AK7: variants seen among roughly 807,000 people sequenced by gnomAD.
The protein encoded by AK7 is adenylate kinase 7.
In AK7, 78 loss-of-function variants were observed where a neutral mutation model predicts 96.6. The observed-to-expected ratio is 0.81, with a 90% confidence interval of 0.67 to 0.97. The LOEUF (loss-of-function observed/expected upper bound fraction) is 0.97. Among genes scored for constraint, AK7 ranks in the 50% least tolerant of loss-of-function variants. The pLI is 0.00. For synonymous variants in AK7, 302 were observed against 317.2 expected (o/e 0.95, Z 0.51); for missense variants, 855 against 887.9 (o/e 0.96, Z 0.47).
At chr14:96,407,923 G>A (rs1024441873) in intron 3 of AK7, among the ~76,000 whole-genome samples, 12 of 152,116 alleles carry the variant, frequency 7.9e-5, no homozygotes, top group African/African-American at 2.9e-4. Flanking sequence ...TATGTTAATG[G>A]AATCCCTTAG....
chr14:96,456,257 A>AGC, intron 10 of AK7, 90 bp from the exon 11 acceptor site: 89 of 1,138,784 alleles, frequency 7.8e-5, no homozygotes, highest in Non-Finnish European at 9.2e-5. Flanking sequence ...AAAAAAAAAA[A>AGC]AAAAGCACTC....
intron 15 of AK7, 139 bp downstream of exon 15, chr14:96,478,801 C>A: frequency 1.3e-6 from 1 of 770,178 alleles, no homozygotes; most frequent in Non-Finnish European, 2.1e-6. Context: ...ATGAAATACA[C>A]AGGGCACTCC....
intron 10 of AK7, among the ~76,000 whole-genome samples, chr14:96,452,351 C>T (rs1159301410): frequency 6.6e-6 from 1 of 151,804 alleles, no homozygotes; most frequent in East Asian, 1.9e-4. Flanking sequence ...CAGACAGAGT[C>T]TCACTCTGTT....
intron 5 of AK7, among the ~76,000 whole-genome samples, chr14:96,426,514 T>C (rs964477618): frequency 3.3e-5 from 5 of 152,244 alleles, no homozygotes; most frequent in African/African-American, 1.2e-4. Flanking sequence ...GTGAGTTTTG[T>C]ACCTTCAGGT....
chr14:96,403,003 T>C (rs182774084), intron 2 of AK7, among the ~76,000 whole-genome samples: 1 of 152,062 alleles, frequency 6.6e-6, no homozygotes, highest in East Asian at 1.9e-4. Flanking sequence ...TAATCCCAGC[T>C]ACTCGGGAGG....
intron 8 of AK7, among the ~76,000 whole-genome samples, chr14:96,448,552 C>T (rs1893378154): frequency 6.7e-6 from 1 of 148,524 alleles, no homozygotes; most frequent in South Asian, 2.1e-4. Flanking sequence ...ATTGCTTGAA[C>T]CCAGGAATTC....
chr14:96,398,513 A>C, intron 2 of AK7: 1 of 517,452 alleles, frequency 1.9e-6, no homozygotes, highest in Non-Finnish European at 3.5e-6. Flanking sequence ...TTTCAGACTC[A>C]TACAGTTCTC....
At chr14:96,442,863 GTGTT>G in intron 7 of AK7, 45 bp downstream of exon 7, 2 of 1,536,584 alleles carry the variant, frequency 1.3e-6, no homozygotes, top group Middle Eastern at 1.7e-4. Context: ...ATTGGTTAAT[GTGTT>G]TGTTTGTAGC....
At position 96,488,416 on chromosome 14, in the gene AK7, G is replaced by A. The variant is rs1417591669; in HGVS notation, c.*73G>A. 7 of 1,368,528 alleles carry A rather than the reference G, an allele frequency of 5.1e-6. No homozygotes were observed. 84.8% of individuals were successfully genotyped at this position (1,368,528 alleles called of 1,614,324 possible). A position where few individuals can be genotyped will look rare whatever the true frequency, so the allele number is the denominator to read the frequency against. On this transcript the variant is annotated 3_prime_UTR_variant, in exon 18 of 18. Transcript: ENST00000267584. ...TTATTATACTTTGAAAAATTGCTTT[G>A]AAAAATGCTTTTCCAGTTCTTAGAA... is the stretch of plus-strand genomic sequence containing the variant.
intron 6 of AK7, among the ~76,000 whole-genome samples, chr14:96,441,981 A>G (rs1005615726): frequency 3.3e-5 from 5 of 152,084 alleles, no homozygotes; most frequent in Admixed American, 6.6e-5. Context: ...GTGTCACATC[A>G]CTGCTTAGAA....
chr14:96,465,236 C>G (rs371729173), intron 12 of AK7, among the ~76,000 whole-genome samples: 1 of 152,014 alleles, frequency 6.6e-6, no homozygotes, highest in Admixed American at 6.6e-5. Flanking sequence ...CCGAGGCGGG[C>G]GGATCACGAG....
At chr14:96,459,685 C>A (rs1450965607) in intron 12 of AK7, among the ~76,000 whole-genome samples, 3 of 151,622 alleles carry the variant, frequency 2.0e-5, no homozygotes, top group African/African-American at 7.3e-5. Flanking sequence ...CAAGACCAGC[C>A]TGGCCAAGAT....
chr14:96,447,340 A>G (rs529170639), intron 8 of AK7, among the ~76,000 whole-genome samples: 2 of 152,306 alleles, frequency 1.3e-5, no homozygotes, highest in South Asian at 4.1e-4. Context: ...TTTGATACAG[A>G]GTCTCGCTCT....
chr14:96,396,636 C>A (rs1890097834), intron 1 of AK7, among the ~76,000 whole-genome samples: 1 of 151,810 alleles, frequency 6.6e-6, no homozygotes, highest in African/African-American at 2.4e-5. Context: ...ATCTTTATTC[C>A]CAAGGTATGG....
intron 15 of AK7, among the ~76,000 whole-genome samples, chr14:96,482,591 G>A (rs1215555201): frequency 6.6e-6 from 1 of 152,130 alleles, no homozygotes; most frequent in Non-Finnish European, 1.5e-5. Flanking sequence ...ATGTATCCCA[G>A]TATCATTGAT....
At chr14:96,472,573 T>G (rs1894957550) in intron 13 of AK7, 114 bp from the exon 14 acceptor site, 1 of 684,584 alleles carries the variant, frequency 1.5e-6, no homozygotes, top group African/African-American at 1.8e-5. Context: ...ATACATGTGC[T>G]ATTTATGGCT....
chr14:96,486,857 C>T, intron 16 of AK7, 41 bp from the exon 17 acceptor site: 1 of 1,587,364 alleles, frequency 6.3e-7, no homozygotes, highest in Non-Finnish European at 8.6e-7. Context: ...TCTCCCCTTT[C>T]TCACTACACA....
chr14:96,408,076 G>A (rs377168838), intron 3 of AK7, among the ~76,000 whole-genome samples: 3 of 152,262 alleles, frequency 2.0e-5, no homozygotes, highest in Non-Finnish European at 2.9e-5. Context: ...ATTACCAAAC[G>A]TTTCTGCCTT....
At chr14:96,430,432 C>A (rs1296748025) in intron 5 of AK7, among the ~76,000 whole-genome samples, 2 of 152,100 alleles carry the variant, frequency 1.3e-5, no homozygotes, top group Non-Finnish European at 2.9e-5. Flanking sequence ...TCGTGATCCG[C>A]CCACCTCTGT....
Sources: gnomAD v4.1 joint callset for allele counts (sites outside exome capture counted in the v4.1 genomes callset) on GRCh38, gnomAD v4.1.1 for gene constraint, MANE v1.5 for transcripts, NCBI Gene and HGNC (gene_info 2026-07-23, HGNC 2026-07-21) for gene names.